Variants in LCORL observed in about 807,000 individuals in gnomAD.
The protein encoded by LCORL is ligand-dependent nuclear receptor corepressor-like protein.
A neutral mutation model predicts 141.8 loss-of-function variants in LCORL; 41 were observed. The ratio of observed to expected loss-of-function variants is 0.29; its 90% CI spans 0.23 to 0.38. LCORL has a LOEUF of 0.38. LCORL is among the 10% of genes least tolerant of loss of function. The pLI, the probability that LCORL is intolerant of heterozygous loss-of-function variation, is 1.00. For synonymous variants in LCORL, 618 were observed against 694.1 expected, an observed-to-expected ratio of 0.89 and a Z score of 1.72; for missense variants, 1,759 against 2,035.0, an observed-to-expected ratio of 0.86 and a Z score of 2.61.
chr4:18,000,004 T>A (rs1400938070), intron 1 of LCORL, among the ~76,000 whole-genome samples: 1 of 152,160 alleles, frequency 6.6e-6, no homozygotes, highest in Non-Finnish European at 1.5e-5. Context: ...GCCTGGCACA[T>A]TAAAAACTTT....
chr4:17,875,510 C>CA lies in LCORL; in HGVS notation c.3479_3480insT (p.Arg1160SerfsTer13). ...AAGACATAAGGTTGCTTATGTTTACCCTTCCTTCAGAAACATGCCTTTTAG... is the reference window on the plus strand; with the variant it reads ...AAGACATAAGGTTGCTTATGTTTACCACTTCCTTCAGAAACATGCCTTTTAG... On this transcript the variant is annotated frameshift_variant, in exon 7 of 8. Transcript: ENST00000635767. LOFTEE classifies it high-confidence loss of function. The CA allele has an allele frequency of 8.1e-7, 1 of 1,231,164 alleles. No individual in the cohort carries two copies. The highest frequency in any genetic ancestry group is 1.0e-6 in the Non-Finnish European group (1 of 987,272). The allele number at this position is 1,231,164 out of a possible 1,614,324, so 76.3% of individuals were successfully genotyped here. A position where few individuals can be genotyped will look rare whatever the true frequency, so the allele number is the denominator to read the frequency against.
chr4:17,892,752 A>G (rs1231532350), intron 5 of LCORL, among the ~76,000 whole-genome samples: 1 of 152,180 alleles, frequency 6.6e-6, no homozygotes, highest in Non-Finnish European at 1.5e-5. Context: ...CTTTAGACTT[A>G]TTGTAATTCT....
At chr4:17,956,385 T>C (rs544655543) in intron 4 of LCORL, among the ~76,000 whole-genome samples, 1 of 152,260 alleles carries the variant, frequency 6.6e-6, no homozygotes, top group African/African-American at 2.4e-5. Flanking sequence ...CTATTCACAA[T>C]AGCCAAGTTA....
At chr4:17,875,400 A>C (rs1459685446) in exon 7 of LCORL, 3 of 1,231,272 alleles carry the variant, frequency 2.4e-6, no homozygotes, top group Non-Finnish European at 3.0e-6. Flanking sequence ...TACAGCACTT[A>C]TTCTTTCACC....
intron 5 of LCORL, among the ~76,000 whole-genome samples, chr4:17,908,767 C>T (rs946669923): frequency 2.6e-5 from 4 of 152,034 alleles, no homozygotes; most frequent in African/African-American, 9.7e-5. Flanking sequence ...CAAGTGCTTA[C>T]TGTTTTCAGC....
At chr4:17,991,796 T>A (rs547787344) in intron 1 of LCORL, among the ~76,000 whole-genome samples, 1 of 152,230 alleles carries the variant, frequency 6.6e-6, no homozygotes, top group South Asian at 2.1e-4. Flanking sequence ...CATGCCCTCC[T>A]TAAAAAAGAA....
chr4:17,965,165 T>C (rs1177130162), intron 2 of LCORL, among the ~76,000 whole-genome samples: 1 of 152,152 alleles, frequency 6.6e-6, no homozygotes, highest in Non-Finnish European at 1.5e-5. Flanking sequence ...CAATTGAATA[T>C]AAAGACCATT....
intron 4 of LCORL, among the ~76,000 whole-genome samples, chr4:17,917,134 C>G (rs1161677145): frequency 6.6e-6 from 1 of 152,114 alleles, no homozygotes; most frequent in Non-Finnish European, 1.5e-5. Context: ...GCTACTGCGC[C>G]CAGCTAACTT....
At chr4:17,921,775 C>A (rs1734336017) in intron 4 of LCORL, among the ~76,000 whole-genome samples, 1 of 152,118 alleles carries the variant, frequency 6.6e-6, no homozygotes, top group Non-Finnish European at 1.5e-5. Flanking sequence ...GGAAGACCCA[C>A]CCTCAGTCTG....
chr4:17,907,816 G>T (rs752092941), intron 5 of LCORL, among the ~76,000 whole-genome samples: 1 of 152,090 alleles, frequency 6.6e-6, no homozygotes, highest in Non-Finnish European at 1.5e-5. Flanking sequence ...GAAGCCAAAA[G>T]GTTGGACACC....
chr4:17,965,339 T>C (rs936440888), intron 2 of LCORL, among the ~76,000 whole-genome samples: 2 of 152,152 alleles, frequency 1.3e-5, no homozygotes, highest in South Asian at 4.1e-4. Flanking sequence ...CTAGGCCAGA[T>C]TTTCACTCTC....
At chr4:17,995,645 T>C (rs1204050006) in intron 1 of LCORL, among the ~76,000 whole-genome samples, 18 of 152,188 alleles carry the variant, frequency 1.2e-4, no homozygotes, top group Non-Finnish European at 2.2e-4. Flanking sequence ...ACAAGATATA[T>C]GGTTCCCCTG....
At chr4:17,881,933 C>T (rs1399574242) in intron 6 of LCORL, 25 of 981,970 alleles carry the variant, frequency 2.5e-5, no homozygotes, top group Admixed American at 1.9e-4. Context: ...GAAAGATGAC[C>T]CTGACATCTG....
intron 1 of LCORL, among the ~76,000 whole-genome samples, chr4:18,020,241 T>C (rs1367579675): frequency 2.0e-5 from 3 of 152,094 alleles, no homozygotes; most frequent in Non-Finnish European, 4.4e-5. Context: ...CTTAAGACGT[T>C]AACCAAATAC....
intron 1 of LCORL, among the ~76,000 whole-genome samples, chr4:17,999,001 TATACAC>T (rs1721439502): frequency 1.6e-5 from 1 of 63,020 alleles, no homozygotes; most frequent in African/African-American, 5.7e-5. Context: ...TATATATATA[TATACAC>T]ACATATATAT....
exon 7 of LCORL, chr4:17,874,299 G>A: frequency 8.1e-7 from 1 of 1,233,626 alleles, no homozygotes. Flanking sequence ...TGATTTTGAA[G>A]GAGAAGAGAG....
chr4:17,943,377 A>G (rs1738293901), intron 4 of LCORL, among the ~76,000 whole-genome samples: 1 of 152,236 alleles, frequency 6.6e-6, no homozygotes, highest in Non-Finnish European at 1.5e-5. Context: ...TTAATAATTG[A>G]GCAATAAACT....
At chr4:17,957,376 A>G (rs187246691) in intron 4 of LCORL, among the ~76,000 whole-genome samples, 7 of 152,124 alleles carry the variant, frequency 4.6e-5, no homozygotes, top group African/African-American at 1.7e-4. Flanking sequence ...ATCCTTTATG[A>G]ACACATAAGT....
chr4:17,921,084 C>T (rs956211792), intron 4 of LCORL, among the ~76,000 whole-genome samples: 3 of 152,070 alleles, frequency 2.0e-5, no homozygotes, highest in Admixed American at 6.5e-5. Context: ...AGGGCAGTGG[C>T]GCAATCTCGG....
Sources: allele counts gnomAD v4.1 joint callset (sites outside exome capture counted in the v4.1 genomes callset), GRCh38; gene constraint gnomAD v4.1.1; transcripts MANE v1.5; gene names NCBI Gene and HGNC (gene_info 2026-07-23, HGNC 2026-07-21).